Variants in PUS1 observed in about 807,000 individuals in gnomAD.
PUS1 encodes pseudouridylate synthase 1 homolog.
Under a neutral mutation model 38.5 loss-of-function variants are expected in PUS1, and 25 were observed. The ratio of observed to expected loss-of-function variants is 0.65; its 90% CI spans 0.47 to 0.91. The LOEUF (loss-of-function observed/expected upper bound fraction) is 0.91. Ranked by LOEUF, PUS1 falls within the 40% of genes least tolerant of loss-of-function variation. PUS1 has a pLI of 0.00. For missense variants in PUS1, 597 were observed against 612.3 expected, an observed-to-expected ratio of 0.97 and a Z score of 0.26; for synonymous variants, 282 against 260.4, an observed-to-expected ratio of 1.08 and a Z score of -0.80.
intron 2 of PUS1, among the ~76,000 whole-genome samples, chr12:131,931,062 C>T (rs1168826272): frequency 6.6e-6 from 1 of 152,212 alleles, no homozygotes; most frequent in Non-Finnish European, 1.5e-5. Context: ...GAAGTTCATG[C>T]AGTGCGTGCA....
Position 131,943,729 on chromosome 12 carries a change from C to A in PUS1, c.*143C>A. On this transcript the variant is annotated 3_prime_UTR_variant, in exon 6 of 6. Coordinates refer to ENST00000376649, the MANE Select transcript of PUS1 (RefSeq NM_025215.6). ...CCGGCGTTGTAACCTCAGGACCTTC[C>A]CTTGTAGGAACAGCCTTTCTCGAAT... The A allele has an allele frequency of 1.4e-6, 1 of 711,822 alleles. No homozygotes were observed. The highest frequency in any genetic ancestry group is 2.5e-6 in the Non-Finnish European group (1 of 392,702). The allele number at this position is 711,822 out of a possible 1,614,324, so 44.1% of individuals were successfully genotyped here.
chr12:131,929,512 A>G lies in PUS1; in HGVS notation c.-211A>G. The stretch of plus-strand genomic sequence containing the variant: ...CGCGGGGCCTGAGAGGTCAGGGGTC[A>G]GCAGGAGTGAGGCTGGGGCGTCCAG... On this transcript the variant is annotated 5_prime_UTR_variant, in exon 1 of 6. Transcript: ENST00000376649. The G allele has an allele frequency of 2.0e-6, 1 of 491,668 alleles. No homozygotes were observed. Among genetic ancestry groups the G allele is most frequent in the Non-Finnish European group, 3.6e-6 (1 of 279,554 alleles). 30.5% of individuals were successfully genotyped at this position (491,668 alleles called of 1,614,324 possible).
At chr12:131,934,610 T>TA (rs1333925047) in intron 3 of PUS1, 4 of 152,252 alleles carry the variant, frequency 2.6e-5, no homozygotes, top group Non-Finnish European at 5.9e-5. Context: ...TAACTTTTCT[T>TA]ACTCTAATTA....
intron 3 of PUS1, among the ~76,000 whole-genome samples, chr12:131,936,866 CAA>C (rs113924882): frequency 5.4e-4 from 72 of 133,714 alleles, no homozygotes; most frequent in African/African-American, 8.4e-4. Flanking sequence ...TCCAGCCTGG[CAA>C]AAAAAAAAAA....
intron 3 of PUS1, 72 bp downstream of exon 3, chr12:131,932,384 TC>T: frequency 6.5e-7 from 1 of 1,544,462 alleles, no homozygotes; most frequent in Non-Finnish European, 8.9e-7. Context: ...AGCTCAGTGT[TC>T]TGGCTTGTTA....
chr12:131,932,791 C>A, intron 3 of PUS1: 1 of 449,944 alleles, frequency 2.2e-6, no homozygotes, highest in South Asian at 1.6e-5. Flanking sequence ...CAGTCTCAAA[C>A]TGCTGGGCTC....
chr12:131,942,124 T>A, intron 5 of PUS1, 141 bp downstream of exon 5: 1 of 843,202 alleles, frequency 1.2e-6, no homozygotes, highest in Non-Finnish European at 1.9e-6. Context: ...GGGCAGGCGG[T>A]CTTGAGATGT....
chr12:131,939,438 A>G (rs762865558), intron 4 of PUS1, among the ~76,000 whole-genome samples, 163 bp downstream of exon 4: 4 of 152,202 alleles, frequency 2.6e-5, no homozygotes, highest in Non-Finnish European at 5.9e-5. Flanking sequence ...GCCACTAGAC[A>G]GGAGTAGAAA....
In PUS1 at chr12:131,944,895, G is replaced by A. The variant is rs1181579536; in HGVS notation, c.*1309G>A. 2.0e-5 allele frequency: 3 copies of A among 152,478 alleles called. No homozygotes were observed. Among genetic ancestry groups the A allele is most frequent in the African/African-American group, 7.2e-5 (3 of 41,606 alleles). 9.4% of individuals were successfully genotyped at this position (152,478 alleles called of 1,614,324 possible). The stretch of plus-strand genomic sequence containing the variant: ...GCTGGGGAAGACTGCTTTTGAAGTG[G>A]CGCTTAGCGTGGAACAAAACACACT... On this transcript the variant is annotated 3_prime_UTR_variant, in exon 6 of 6. Transcript: ENST00000376649.
chr12:131,931,791 A>C (rs2136431693), intron 2 of PUS1: 4 of 322,492 alleles, frequency 1.2e-5, no homozygotes, highest in Admixed American at 4.5e-5. Flanking sequence ...TCGGCCTCCC[A>C]AAGTGCTGGG....
At chr12:131,934,478 T>C (rs552479266) in intron 3 of PUS1, among the ~76,000 whole-genome samples, 2 of 152,224 alleles carry the variant, frequency 1.3e-5, no homozygotes, top group Non-Finnish European at 2.9e-5. Context: ...CCTGACTCTA[T>C]GGCCTGATTT....
At chr12:131,930,215 G>A (rs1356452562) in intron 2 of PUS1, 80 bp downstream of exon 2, 1 of 1,023,250 alleles carries the variant, frequency 9.8e-7, no homozygotes, top group Non-Finnish European at 1.3e-6. Context: ...GGTCCGGCTG[G>A]GTTTAGGTGC....
At chr12:131,940,124 C>T (rs1308928277) in intron 4 of PUS1, among the ~76,000 whole-genome samples, 1 of 152,038 alleles carries the variant, frequency 6.6e-6, no homozygotes, top group Non-Finnish European at 1.5e-5. Context: ...CATCGACCAC[C>T]TGGGCTCAAG....
At chr12:131,942,614 G>A (rs979956442) in intron 5 of PUS1, among the ~76,000 whole-genome samples, 8 of 152,134 alleles carry the variant, frequency 5.3e-5, no homozygotes, top group African/African-American at 1.7e-4. Context: ...CACCATGTTA[G>A]CCAGGATGGT....
Position 131,929,920 on chromosome 12 carries a change from G to T in PUS1, c.88G>T (p.Ala30Ser). The change falls in exon 2 of 6, where the codon GCC (alanine) becomes TCC (serine). Residue 30 changes from alanine (A) to serine (S), a missense_variant. Ala to Ser is a moderately conservative substitution (Grantham distance 99). Transcript: ENST00000376649. ...GPRPSCSPRM[A>S]GNAEPPPAGA... ...CCTTCTCCGCAGCTCGCCGCGCATGGCCGGGAACGCGGAGCCGCCGCCCGC... is the reference window on the plus strand; with the variant it reads ...CCTTCTCCGCAGCTCGCCGCGCATGTCCGGGAACGCGGAGCCGCCGCCCGC... 1 of 1,476,490 alleles carries T rather than the reference G, an allele frequency of 6.8e-7. No homozygotes were observed. The allele number at this position is 1,476,490 out of a possible 1,614,324, so 91.5% of individuals were successfully genotyped here.
chr12:131,941,035 A>T lies in PUS1; in HGVS notation c.545-257A>T. ...TGTTGGAGACATTCCGTATCTTCTC[A>T]CTATTGGAAAATTACAATAAATGGT... is the stretch of plus-strand genomic sequence containing the variant. On this transcript the variant is annotated intron_variant, in intron 4 of 5. Transcript: ENST00000376649. This position sits in a 1 kb window ranked among gnomAD's most constrained non-coding sequence, Gnocchi z 4.4. The T allele has an allele frequency of 1.8e-6, 1 of 543,836 alleles. No homozygotes were observed. The highest frequency in any genetic ancestry group is 3.3e-6 in the Non-Finnish European group (1 of 302,172). 33.7% of individuals were successfully genotyped at this position (543,836 alleles called of 1,614,324 possible).
intron 3 of PUS1, among the ~76,000 whole-genome samples, chr12:131,937,848 T>C (rs917655853): frequency 6.6e-6 from 1 of 152,096 alleles, no homozygotes; most frequent in Non-Finnish European, 1.5e-5. Flanking sequence ...GCTTGGCCTT[T>C]TCTATCTTAA....
chr12:131,930,110 C>T lies in PUS1; in HGVS notation c.278C>T (p.Ser93Leu). The change falls in exon 2 of 6, where the codon TCG (serine) becomes TTG (leucine). Residue 93 changes from serine to leucine, a missense_variant. Transcript: ENST00000376649. ...AAGATCGTGCTGCTCATGGCCTATTCGGGCAAGGGCTACCACGGCATGCAG... is the reference window on the plus strand; with the variant it reads ...AAGATCGTGCTGCTCATGGCCTATTTGGGCAAGGGCTACCACGGCATGCAG... ...KRKIVLLMAYSGKGYHGMQRN... is the reference protein window; with the variant it reads ...KRKIVLLMAYLGKGYHGMQRN... 7.0e-7 allele frequency: 1 copy of T among 1,428,784 alleles called. No homozygotes were observed. Among genetic ancestry groups the T allele is most frequent in the Non-Finnish European group, 9.2e-7 (1 of 1,090,994 alleles). The allele number at this position is 1,428,784 out of a possible 1,614,324, so 88.5% of individuals were successfully genotyped here.
chr12:131,929,878 G>T (rs1566139050), intron 1 of PUS1, 29 bp from the exon 2 acceptor site: 1 of 1,462,892 alleles, frequency 6.8e-7, no homozygotes, highest in Admixed American at 2.5e-5. Context: ...TGCCGAGCGG[G>T]CCCCCGCTCA....
Sources: allele counts gnomAD v4.1 joint callset (sites outside exome capture counted in the v4.1 genomes callset), GRCh38; gene constraint gnomAD v4.1.1; non-coding constraint Gnocchi (gnomAD v3.1); transcripts MANE v1.5; gene names NCBI Gene and HGNC (gene_info 2026-07-23, HGNC 2026-07-21).